Variants in CCSER1 observed in about 807,000 individuals in gnomAD.
CCSER1 encodes coiled-coil serine rich protein 1.
In CCSER1, 41 loss-of-function variants were observed where a neutral mutation model predicts 82.0. That is an observed-to-expected ratio of 0.50 (90% CI 0.39 to 0.65). CCSER1 has a LOEUF of 0.65. Among genes scored for constraint, CCSER1 ranks in the 30% least tolerant of loss-of-function variants. CCSER1 has a pLI of 0.00. For missense variants in CCSER1, 1,119 were observed against 1,064.2 expected, an observed-to-expected ratio of 1.05 and a Z score of -0.72; for synonymous variants, 414 against 383.9, an observed-to-expected ratio of 1.08 and a Z score of -0.92.
At chr4:90,403,011 A>G (rs1299367671) in intron 4 of CCSER1, among the ~76,000 whole-genome samples, 1 of 152,216 alleles carries the variant, frequency 6.6e-6, no homozygotes, top group Non-Finnish European at 1.5e-5. Flanking sequence ...TAGATAAAAT[A>G]TTACTTAGAG....
chr4:91,392,749 A>C (rs1751740758), intron 10 of CCSER1, among the ~76,000 whole-genome samples: 1 of 152,150 alleles, frequency 6.6e-6, no homozygotes, highest in African/African-American at 2.4e-5. Context: ...ATGGATGTGG[A>C]AAATAGCAAT....
intron 7 of CCSER1, among the ~76,000 whole-genome samples, chr4:90,760,673 A>G (rs183708565): frequency 2.6e-5 from 4 of 152,242 alleles, no homozygotes; most frequent in African/African-American, 9.6e-5. Flanking sequence ...CAAATAGTCT[A>G]GTGATTAAAA....
intron 10 of CCSER1, among the ~76,000 whole-genome samples, chr4:91,597,349 T>C (rs1303174697): frequency 6.6e-6 from 1 of 152,132 alleles, no homozygotes; most frequent in Non-Finnish European, 1.5e-5. Flanking sequence ...AGCAAATATT[T>C]ATTAAATGGT....
intron 10 of CCSER1, among the ~76,000 whole-genome samples, chr4:91,593,590 G>A (rs981970369): frequency 6.6e-6 from 1 of 150,760 alleles, no homozygotes; most frequent in African/African-American, 2.4e-5. Context: ...GGGATTACAG[G>A]CGTGAGCCAC....
chr4:91,278,791 G>C (rs1490852965), intron 10 of CCSER1, among the ~76,000 whole-genome samples: 1 of 151,560 alleles, frequency 6.6e-6, no homozygotes, highest in Non-Finnish European at 1.5e-5. Flanking sequence ...ATTCATGTTG[G>C]GTGGTTTTCT....
chr4:90,849,203 A>G (rs1226316203), intron 8 of CCSER1, among the ~76,000 whole-genome samples: 1 of 152,168 alleles, frequency 6.6e-6, no homozygotes, highest in African/African-American at 2.4e-5. Flanking sequence ...GGAACTTCCT[A>G]GAGACTTGTT....
chr4:91,181,061 A>C (rs1304768467), intron 10 of CCSER1, among the ~76,000 whole-genome samples: 1 of 152,236 alleles, frequency 6.6e-6, no homozygotes, highest in African/African-American at 2.4e-5. Flanking sequence ...CATTGCCCTC[A>C]TTCCCATAAA....
chr4:90,246,453 C>T (rs774836011), intron 1 of CCSER1, among the ~76,000 whole-genome samples: 2 of 152,104 alleles, frequency 1.3e-5, no homozygotes, highest in Non-Finnish European at 2.9e-5. Flanking sequence ...AATAAAAACA[C>T]TGTAGTTAAT....
rs186419524 is a variant in CCSER1 at position 91,152,872 on chromosome 4, T to G, written c.2217+66878T>G. On this transcript the variant is annotated intron_variant, in intron 10 of 10. Coordinates refer to ENST00000509176, the MANE Select transcript of CCSER1 (RefSeq NM_001145065.2). Reference sequence around the variant, plus strand: ...CCCACTCTCTTCTGGCTTGTAGAGTTTCTGCCGAGGGATCCGCTGTTAGGC... The same window carrying G: ...CCCACTCTCTTCTGGCTTGTAGAGTGTCTGCCGAGGGATCCGCTGTTAGGC... 5.1e-3 allele frequency among the ~76,000 whole-genome samples: 781 copies of G among 152,168 alleles called. 19 individuals are homozygous for G. Among genetic ancestry groups the G allele is most frequent in the Non-Finnish European group, 7.6e-3 (513 of 67,934 alleles).
chr4:90,184,845 G>A (rs1279019244), intron 1 of CCSER1, among the ~76,000 whole-genome samples: 1 of 151,974 alleles, frequency 6.6e-6, no homozygotes, highest in Non-Finnish European at 1.5e-5. Context: ...ATACCTAAAG[G>A]AATAGTGTGC....
intron 5 of CCSER1, among the ~76,000 whole-genome samples, chr4:90,581,203 C>T (rs1054520056): frequency 3.3e-5 from 5 of 152,028 alleles, no homozygotes; most frequent in African/African-American, 1.2e-4. Context: ...AAAATTACCC[C>T]ATTAGCAATT....
intron 7 of CCSER1, among the ~76,000 whole-genome samples, chr4:90,744,474 T>A (rs1172452925): frequency 6.6e-6 from 1 of 152,226 alleles, no homozygotes; most frequent in Non-Finnish European, 1.5e-5. Context: ...AAAATTATTT[T>A]AAAAATGAAT....
At chr4:90,298,129 C>CT (rs1424171864) in intron 1 of CCSER1, among the ~76,000 whole-genome samples, 1 of 151,878 alleles carries the variant, frequency 6.6e-6, no homozygotes, top group Non-Finnish European at 1.5e-5. Flanking sequence ...GTCCTGGACT[C>CT]TTTTTGGTTG....
At chr4:90,996,404 G>C (rs930627815) in intron 9 of CCSER1, among the ~76,000 whole-genome samples, 1 of 152,024 alleles carries the variant, frequency 6.6e-6, no homozygotes, top group African/African-American at 2.4e-5. Flanking sequence ...TAGGTAAATA[G>C]ATAATACTTC....
At chr4:91,227,666 C>A (rs1334659635) in intron 10 of CCSER1, among the ~76,000 whole-genome samples, 1 of 151,498 alleles carries the variant, frequency 6.6e-6, no homozygotes, top group Non-Finnish European at 1.5e-5. Flanking sequence ...AATTCTTTTC[C>A]CCTCCCTCCC....
intron 10 of CCSER1, among the ~76,000 whole-genome samples, chr4:91,416,690 T>C (rs1333484145): frequency 6.6e-6 from 1 of 152,112 alleles, no homozygotes; most frequent in East Asian, 1.9e-4. Context: ...TTATATCTTA[T>C]ACAAAAATTA....
intron 1 of CCSER1, among the ~76,000 whole-genome samples, chr4:90,152,160 T>C (rs931683322): frequency 3.9e-5 from 6 of 152,164 alleles, no homozygotes; most frequent in Non-Finnish European, 8.8e-5. Context: ...CACAGTTCAT[T>C]AGAGCCTCTG....
intron 3 of CCSER1, among the ~76,000 whole-genome samples, chr4:90,313,563 A>T (rs1390246089): frequency 1.3e-5 from 2 of 152,080 alleles, no homozygotes; most frequent in Non-Finnish European, 2.9e-5. Context: ...CATACATTGG[A>T]GGTAATCAAG....
chr4:90,835,995 T>C (rs1761759986), intron 8 of CCSER1, among the ~76,000 whole-genome samples: 1 of 152,208 alleles, frequency 6.6e-6, no homozygotes, highest in Non-Finnish European at 1.5e-5. Context: ...TGTATATGAC[T>C]TAAGTTTATG....
Sources: allele counts gnomAD v4.1 joint callset (sites outside exome capture counted in the v4.1 genomes callset), GRCh38; gene constraint gnomAD v4.1.1; transcripts MANE v1.5; gene names NCBI Gene and HGNC (gene_info 2026-07-23, HGNC 2026-07-21).